DGKQ: variants seen among roughly 807,000 people sequenced by gnomAD.
DGKQ encodes the protein diacylglycerol kinase theta.
DGKQ carries 97 observed loss-of-function variants against 104.2 expected under a neutral mutation model. The ratio of observed to expected loss-of-function variants is 0.93; its 90% CI spans 0.79 to 1.10. The LOEUF (loss-of-function observed/expected upper bound fraction) is 1.10. DGKQ is among the 50% of genes least tolerant of loss of function. DGKQ has a pLI of 0.00. For synonymous variants in DGKQ, 736 were observed against 595.2 expected, an observed-to-expected ratio of 1.24 and a Z score of -3.44; for missense variants, 1,465 against 1,352.1, an observed-to-expected ratio of 1.08 and a Z score of -1.31.
At chr4:962,289 T>C in intron 18 of DGKQ, 146 bp downstream of exon 18, 1 of 975,052 alleles carries the variant, frequency 1.0e-6, no homozygotes, top group Non-Finnish European at 1.5e-6. Flanking sequence ...CTACTTTCTG[T>C]GTCTCCCTCA....
rs367735863 is a variant in DGKQ at position 959,642 on chromosome 4, G to C, written c.*978C>G. 8 of 152,572 alleles carry C rather than the reference G, an allele frequency of 5.2e-5. No individual in the cohort carries two copies. The South Asian group carries it at 1.7e-3, about 32-fold the overall frequency. 9.5% of individuals were successfully genotyped at this position (152,572 alleles called of 1,614,324 possible). A position where few individuals can be genotyped will look rare whatever the true frequency, so the allele number is the denominator to read the frequency against. On this transcript the variant is annotated 3_prime_UTR_variant, in exon 23 of 23. Transcript: ENST00000273814. ...AGATGTCGGCTCACACAGGCACTGG[G>C]AACTGCACATCAACAGCGGGCAAGC...
At chr4:965,153 A>T (rs749473387) in intron 15 of DGKQ, 23 bp downstream of exon 15, 4 of 1,604,492 alleles carry the variant, frequency 2.5e-6, no homozygotes, top group Non-Finnish European at 3.4e-6. Flanking sequence ...GTGTGTGAAG[A>T]GCCGGCTTGA....
rs1167587922 is a variant in DGKQ, at chr4:966,965, T to C, written c.1310A>G (p.Gln437Arg). 7 of 1,561,294 alleles carry C rather than the reference T, an allele frequency of 4.5e-6. No homozygotes were observed. In the Admixed American group the frequency reaches 1.1e-4, roughly 25 times the overall value. ...VLEVLPLLGRQAESPESFQLV... is the reference protein window; with the variant it reads ...VLEVLPLLGRRAESPESFQLV... ...GGGGAGCAGGCACAGGGTACGCACC[T>C]GGCGGCCGAGCAGCGGCAGGACCTC... Residue 437 changes from glutamine to arginine, a missense_variant and splice_region_variant, in exon 10 of 23, where the codon CAG becomes CGG. By Grantham distance (43) the Gln-to-Arg change is conservative (BLOSUM62 1). Transcript: ENST00000273814.
intron 3 of DGKQ, 49 bp downstream of exon 3, chr4:968,762 G>A (rs1425606127): frequency 6.5e-7 from 1 of 1,532,260 alleles, no homozygotes. Flanking sequence ...GCCACCCTGG[G>A]CAGCAGAGAC....
chr4:960,789 C>T lies in DGKQ; in HGVS notation c.2728-68G>A. On this transcript the variant is annotated intron_variant, in intron 22 of 22. Coordinates refer to ENST00000273814, the MANE Select transcript of DGKQ (RefSeq NM_001347.4). ...ATGAAAGAACGGTACACGGGCAGCCCCCGGTCCTGGGGCCCCGGGCAGCTG... is the reference window on the plus strand; with the variant it reads ...ATGAAAGAACGGTACACGGGCAGCCTCCGGTCCTGGGGCCCCGGGCAGCTG... 3 of 1,574,498 alleles carry T rather than the reference C, an allele frequency of 1.9e-6. No individual in the cohort carries two copies. In the South Asian group the frequency reaches 3.4e-5, roughly 18 times the overall value.
At position 966,874 on chromosome 4, in the gene DGKQ, C is replaced by T. The variant is rs539740139; in HGVS notation, c.1312-72G>A. 196 of 1,560,726 alleles carry T rather than the reference C, an allele frequency of 1.3e-4. No individual in the cohort carries two copies. In the African/African-American group the frequency reaches 2.0e-3, roughly 16 times the overall value. On this transcript the variant is annotated intron_variant, in intron 10 of 22. Transcript: ENST00000273814. ...CTCAGGACACCCGCGGGGACAGCCA[C>T]GCCTGGGCTGGGATGGTGGCCTGGC...
chr4:966,034 C>A lies in DGKQ; in HGVS notation c.1473G>T (p.Glu491Asp). Residue 491 changes from glutamate (E) to aspartate (D), a missense_variant, in exon 13 of 23, where the codon GAG becomes GAT. By Grantham distance (45) the Glu-to-Asp change is conservative. Transcript: ENST00000273814. ...QVSQTRFYVA[E>D]SRDVAPHVSL... ...AGACGTGCGGGGCTACATCCCTGCT[C>A]TCTGCCACGTAGAACCGCGTCTGGC... 1 of 1,604,520 alleles carries A rather than the reference C, an allele frequency of 6.2e-7. No homozygotes were observed. The highest frequency in any genetic ancestry group is 1.1e-5 in the South Asian group (1 of 89,200).
chr4:967,736 G>GGAGT lies in DGKQ; in HGVS notation c.874_877dup (p.Pro293HisfsTer13), dbSNP rs1560517682. 9 of 1,611,048 alleles carry GGAGT rather than the reference G, an allele frequency of 5.6e-6. No individual in the cohort carries two copies. Among genetic ancestry groups the GGAGT allele is most frequent in the Non-Finnish European group, 6.8e-6 (8 of 1,179,142 alleles). On this transcript the variant is annotated frameshift_variant, in exon 7 of 23. Transcript: ENST00000273814. LOFTEE classifies it high-confidence loss of function. ...ATGAGGCGGGCACTTACCGGACTCC[G>GGAGT]GAGTTGCCTGTGTCTCTCTGCCTGG...
intron 14 of DGKQ, 88 bp from the exon 15 acceptor site, chr4:965,379 C>A (rs1027581476): frequency 1.7e-5 from 26 of 1,548,240 alleles, no homozygotes; most frequent in Non-Finnish European, 2.3e-5. Context: ...GTTTCCCCAG[C>A]CCAGGGCTGC....
intron 22 of DGKQ, 73 bp from the exon 23 acceptor site, chr4:960,794 T>G: frequency 2.5e-6 from 4 of 1,568,994 alleles, no homozygotes; most frequent in Middle Eastern, 1.7e-4. Flanking sequence ...CAGCCCCCGG[T>G]CCTGGGGCCC....
chr4:966,615 T>G (rs1166691808), intron 11 of DGKQ, 88 bp from the exon 12 acceptor site: 1 of 1,518,464 alleles, frequency 6.6e-7, no homozygotes. Context: ...CCCGTGGGGA[T>G]GCAGGGTGGA....
At chr4:970,904 C>G in intron 2 of DGKQ, 89 bp downstream of exon 2, 1 of 1,023,978 alleles carries the variant, frequency 9.8e-7, no homozygotes, top group South Asian at 1.5e-5. Flanking sequence ...TCACTAACGT[C>G]TGACATGAAG....
chr4:960,885 G>A (rs1377342215), intron 22 of DGKQ, 164 bp from the exon 23 acceptor site: 11 of 985,166 alleles, frequency 1.1e-5, no homozygotes, highest in African/African-American at 5.2e-5. Flanking sequence ...CCTGTGGCCC[G>A]CCTGGCCACT....
chr4:963,893 A>G (rs1194473846), intron 15 of DGKQ, among the ~76,000 whole-genome samples: 1 of 152,000 alleles, frequency 6.6e-6, no homozygotes, highest in African/African-American at 2.4e-5. Context: ...GAGGCTAGGG[A>G]CCCTACGACA....
At chr4:965,631 A>G in intron 13 of DGKQ, 102 bp from the exon 14 acceptor site, 1 of 1,319,202 alleles carries the variant, frequency 7.6e-7, no homozygotes, top group Admixed American at 2.1e-5. Context: ...ATCTCACCCC[A>G]AAGGCAGCCT....
At position 961,050 on chromosome 4, in the gene DGKQ, T is replaced by A. The variant is rs1455031602; in HGVS notation, c.2726A>T (p.Lys909Met). Residue 909 changes from lysine to methionine, a missense_variant and splice_region_variant, in exon 22 of 23, where the codon AAG becomes ATG. Lys to Met is a moderately conservative substitution (Grantham distance 95). Transcript: ENST00000273814. ...GCTCTCCAGCCTCACCCCACATACC[T>A]TAGGGCCAGCAGCTGAGATGATCAT... is the stretch of plus-strand genomic sequence containing the variant. Reference protein sequence around the residue: ...GHMIISAAGPKVHMLRKAKQK... With the variant: ...GHMIISAAGPMVHMLRKAKQK... The A allele has an allele frequency of 6.2e-7, 1 of 1,612,028 alleles. No individual in the cohort carries two copies. The highest frequency in any genetic ancestry group is 8.5e-7 in the Non-Finnish European group (1 of 1,179,568).
In DGKQ at chr4:968,913, G is replaced by A; in HGVS notation, c.352-3C>T. On this transcript the variant is annotated splice_region_variant and splice_polypyrimidine_tract_variant and intron_variant, in intron 2 of 22. Transcript: ENST00000273814. ...CCGAAGCAGTGGGCTACAGGAACCT[G>A]GTGGGGCAGCCTCACCTCAGCACCC... The A allele has an allele frequency of 6.3e-7, 1 of 1,580,268 alleles. No homozygotes were observed. The highest frequency in any genetic ancestry group is 1.1e-5 in the South Asian group (1 of 87,878).
chr4:961,897 G>T, intron 19 of DGKQ, 63 bp from the exon 20 acceptor site: 1 of 1,603,324 alleles, frequency 6.2e-7, no homozygotes, highest in Admixed American at 1.7e-5. Context: ...GGCAGCCTCC[G>T]GGTTCCGGCC....
chr4:967,973 G>A lies in DGKQ; in HGVS notation c.718C>T (p.Arg240Cys). The change falls in exon 6 of 23, where the codon CGC becomes TGC. Residue 240 changes from arginine to cysteine, a missense_variant. By Grantham distance (180) the Arg-to-Cys change is radical. Coordinates refer to ENST00000273814, the MANE Select transcript of DGKQ (RefSeq NM_001347.4). ...LAPECGFGRL[R>C]SLVLPPACVR... ...CACGCGGGAGGCAGGACCAGGGAGC[G>A]CAGACGCCCGAAGCCACACTCGGGA... 5 of 1,481,444 alleles carry A rather than the reference G, an allele frequency of 3.4e-6. No individual in the cohort carries two copies. The highest frequency in any genetic ancestry group is 2.4e-5 in the Admixed American group (1 of 41,154). 91.8% of individuals were successfully genotyped at this position (1,481,444 alleles called of 1,614,324 possible).
Sources: allele counts gnomAD v4.1 joint callset (sites outside exome capture counted in the v4.1 genomes callset), GRCh38; gene constraint gnomAD v4.1.1; transcripts MANE v1.5; gene names NCBI Gene and HGNC (gene_info 2026-07-23, HGNC 2026-07-21).